SGK1: variants seen among roughly 807,000 people sequenced by gnomAD.
SGK1 encodes the protein serine/threonine-protein kinase Sgk1.
A neutral mutation model predicts 64.2 loss-of-function variants in SGK1; 26 were observed. That is an observed-to-expected ratio of 0.40 (90% CI 0.30 to 0.56). The LOEUF (loss-of-function observed/expected upper bound fraction) is 0.56, where lower values mean the gene tolerates loss of function less well. Among genes scored for constraint, SGK1 ranks in the 20% least tolerant of loss-of-function variants. The probability of loss-of-function intolerance (pLI) is 0.38; values close to 1 mark genes in which losing one functional copy is unlikely to be tolerated. For missense variants in SGK1, 519 were observed against 645.6 expected (o/e 0.80, Z 2.12); for synonymous variants, 265 against 239.7 (o/e 1.11, Z -0.98).
chr6:134,284,577 T>G (rs1582763287), intron 1 of SGK1, among the ~76,000 whole-genome samples: 1 of 148,646 alleles, frequency 6.7e-6, no homozygotes, highest in Non-Finnish European at 1.5e-5. Context: ...CCCCACCTCC[T>G]AGGTTCAAGC....
At chr6:134,237,655 G>A (rs1306459921) in intron 2 of SGK1, among the ~76,000 whole-genome samples, 1 of 152,178 alleles carries the variant, frequency 6.6e-6, no homozygotes, top group African/African-American at 2.4e-5. Flanking sequence ...TCCAGCCTGA[G>A]TGACAGTGAG....
chr6:134,303,363 G>T (rs1015168443), intron 1 of SGK1, among the ~76,000 whole-genome samples: 1 of 151,976 alleles, frequency 6.6e-6, no homozygotes, highest in African/African-American at 2.4e-5. Flanking sequence ...CTGCACTCCA[G>T]CCTGGGTGAC....
intron 2 of SGK1, among the ~76,000 whole-genome samples, chr6:134,211,851 C>T (rs533527114): frequency 7.9e-6 from 1 of 126,778 alleles, no homozygotes; most frequent in Non-Finnish European, 1.6e-5. Flanking sequence ...TCCAGCCTGG[C>T]GAGAGAGCGA....
At chr6:134,207,470 G>T (rs183382412) in intron 2 of SGK1, 39 bp from the exon 3 acceptor site, 1 of 1,413,380 alleles carries the variant, frequency 7.1e-7, no homozygotes, top group South Asian at 1.2e-5. Flanking sequence ...TATAAAAATG[G>T]CTTCATCATT....
chr6:134,298,269 G>A lies in SGK1; in HGVS notation c.69+19123C>T, dbSNP rs114311404. On this transcript the variant is annotated intron_variant, in intron 1 of 13. Transcript: ENST00000367858. Reference sequence around the variant, plus strand: ...CCAGCTGCCGCCTAAGGTTGTTGAAGTAGCTCTCGAACATGTTGTCCATGT... The same window carrying A: ...CCAGCTGCCGCCTAAGGTTGTTGAAATAGCTCTCGAACATGTTGTCCATGT... 394 of 1,567,510 alleles carry A rather than the reference G, an allele frequency of 2.5e-4. 1 individual carries two copies. In the African/African-American group the frequency reaches 4.9e-3, roughly 19 times the overall value.
Position 134,245,105 on chromosome 6 carries a change from C to T in SGK1, c.285+16828G>A, listed in dbSNP as rs553167610. 5.3e-5 allele frequency among the ~76,000 whole-genome samples: 8 copies of T among 152,268 alleles called. 1 individual carries two copies. The East Asian group carries it at 1.4e-3, about 26-fold the overall frequency. The stretch of plus-strand genomic sequence containing the variant: ...ACAATAGTTTTAAAAACCTCTAGGA[C>T]CTGTAGTTTGTTTTTTGTTTAGAGA... On this transcript the variant is annotated intron_variant, in intron 2 of 13. Coordinates refer to ENST00000367858, the MANE Select transcript of SGK1 (RefSeq NM_001143676.3).
intron 2 of SGK1, among the ~76,000 whole-genome samples, chr6:134,250,318 G>C (rs915563680): frequency 6.6e-6 from 1 of 152,110 alleles, no homozygotes; most frequent in Non-Finnish European, 1.5e-5. Flanking sequence ...AGAAAAGCGT[G>C]GTTTTCTTAC....
chr6:134,301,076 A>G (rs1777446729), intron 1 of SGK1, among the ~76,000 whole-genome samples: 1 of 152,196 alleles, frequency 6.6e-6, no homozygotes, highest in African/African-American at 2.4e-5. Flanking sequence ...AAATAGAGAA[A>G]AATAGGAAGA....
At chr6:134,266,059 C>T (rs1776850648) in intron 1 of SGK1, among the ~76,000 whole-genome samples, 1 of 152,054 alleles carries the variant, frequency 6.6e-6, no homozygotes, top group Admixed American at 6.6e-5. Flanking sequence ...TCTCAGCTCA[C>T]TGCAGCCTCC....
chr6:134,212,193 A>G (rs1184339339), intron 2 of SGK1, among the ~76,000 whole-genome samples: 1 of 151,824 alleles, frequency 6.6e-6, no homozygotes, highest in East Asian at 2.0e-4. Flanking sequence ...AGCTGGGACT[A>G]CAGGCGCCTG....
intron 1 of SGK1, among the ~76,000 whole-genome samples, chr6:134,305,372 A>T (rs1256170473): frequency 6.6e-6 from 1 of 150,592 alleles, no homozygotes; most frequent in Non-Finnish European, 1.5e-5. Flanking sequence ...TCAAAAAAAA[A>T]AAAAAAAAAA....
intron 3 of SGK1, among the ~76,000 whole-genome samples, chr6:134,191,673 GT>G (rs781544198): frequency 4.9e-4 from 69 of 140,992 alleles, no homozygotes; most frequent in Middle Eastern, 3.7e-3. Context: ...TTTTGTTTTT[GT>G]TTTTTTTTTT....
At chr6:134,186,970 C>A (rs1775435019) in intron 3 of SGK1, among the ~76,000 whole-genome samples, 1 of 152,068 alleles carries the variant, frequency 6.6e-6, no homozygotes, top group African/African-American at 2.4e-5. Flanking sequence ...GCACCCACCA[C>A]TATGCCCGGC....
Position 134,188,015 on chromosome 6 carries a change from C to T in SGK1, c.362-13429G>A, listed in dbSNP as rs200982230. Among the ~76,000 whole-genome samples, 20 of 152,262 alleles carry T rather than the reference C, an allele frequency of 1.3e-4. No homozygotes were observed. In the East Asian group the frequency reaches 2.3e-3, roughly 18 times the overall value. On this transcript the variant is annotated intron_variant, in intron 3 of 13. Coordinates refer to ENST00000367858, the MANE Select transcript of SGK1 (RefSeq NM_001143676.3). ...AGCCAGGTTGGCCTTAGTGAGTGGA[C>T]GTCCATGTTGCTGAGTCCATGCATA... is the stretch of plus-strand genomic sequence containing the variant.
intron 3 of SGK1, among the ~76,000 whole-genome samples, chr6:134,188,217 A>AC (rs1775453341): frequency 1.3e-5 from 2 of 149,198 alleles, no homozygotes. Flanking sequence ...AAATATCTTT[A>AC]CCTTTTTTTT....
At chr6:134,311,011 T>C (rs966671076) in intron 1 of SGK1, among the ~76,000 whole-genome samples, 12 of 152,230 alleles carry the variant, frequency 7.9e-5, no homozygotes, top group Admixed American at 3.9e-4. Flanking sequence ...AGGTGTGTTA[T>C]GGGCATTGGA....
chr6:134,219,227 G>C (rs139061083), intron 2 of SGK1, among the ~76,000 whole-genome samples: 1,838 of 151,938 alleles, frequency 0.012, 52 homozygotes, highest in African/African-American at 0.042. Flanking sequence ...GGCCAGGCTG[G>C]TCTTGAACAC....
chr6:134,258,429 G>A (rs755061316), intron 2 of SGK1, among the ~76,000 whole-genome samples: 9 of 152,240 alleles, frequency 5.9e-5, no homozygotes, highest in Non-Finnish European at 1.3e-4. Context: ...AACCCACCTG[G>A]CATGGTGGCT....
In SGK1 at chr6:134,248,339, C is replaced by T. The variant is rs370038811; in HGVS notation, c.285+13594G>A. Among the ~76,000 whole-genome samples, 11 of 151,994 alleles carry T rather than the reference C, an allele frequency of 7.2e-5. No individual in the cohort carries two copies. The South Asian group carries it at 2.3e-3, about 32-fold the overall frequency. ...AGTCTTTAATGCTAGCAAAATGTAG[C>T]TCAAACCACAGTTAACATTGATACA... On this transcript the variant is annotated intron_variant, in intron 2 of 13. Coordinates refer to ENST00000367858, the MANE Select transcript of SGK1 (RefSeq NM_001143676.3).
Sources: gnomAD v4.1 joint callset for allele counts (sites outside exome capture counted in the v4.1 genomes callset) on GRCh38, gnomAD v4.1.1 for gene constraint, MANE v1.5 for transcripts, NCBI Gene and HGNC (gene_info 2026-07-23, HGNC 2026-07-21) for gene names.